The following IPO7 variants were observed in gnomAD, a reference collection of about 807,000 sequenced individuals.
IPO7 encodes the protein importin-7.
A neutral mutation model predicts 136.4 loss-of-function variants in IPO7; 13 were observed. That is an observed-to-expected ratio of 0.10 (90% CI 0.06 to 0.15). IPO7 has a LOEUF of 0.15. Ranked by LOEUF, IPO7 falls within the 10% of genes least tolerant of loss-of-function variation. IPO7 has a pLI of 1.00. For synonymous variants in IPO7, 403 were observed against 404.4 expected (o/e 1.00, Z 0.04); for missense variants, 857 against 1,240.6 (o/e 0.69, Z 4.65).
intron 12 of IPO7, among the ~76,000 whole-genome samples, chr11:9,425,598 G>A (rs368355814): frequency 3.3e-5 from 5 of 152,038 alleles, no homozygotes; most frequent in Non-Finnish European, 4.4e-5. Flanking sequence ...AAAATCCGCC[G>A]GGCGTGATGG....
chr11:9,428,933 G>A (rs562416879), intron 13 of IPO7, 98 bp from the exon 14 acceptor site: 3 of 1,074,398 alleles, frequency 2.8e-6, no homozygotes, highest in Admixed American at 1.7e-5. Flanking sequence ...CCACTGGCCA[G>A]CCTCCAAATT....
intron 6 of IPO7, among the ~76,000 whole-genome samples, chr11:9,417,519 A>G (rs1564997830): frequency 1.3e-5 from 2 of 152,078 alleles, no homozygotes. Flanking sequence ...TGATTTACAG[A>G]TTGGCCAACT....
At chr11:9,426,397 A>G (rs1028242051) in intron 12 of IPO7, among the ~76,000 whole-genome samples, 7 of 152,198 alleles carry the variant, frequency 4.6e-5, no homozygotes, top group Non-Finnish European at 7.3e-5. Context: ...ATATTAATAT[A>G]CCACATTTTA....
intron 1 of IPO7, among the ~76,000 whole-genome samples, chr11:9,394,711 T>C (rs11042329): frequency 0.25 from 37,361 of 152,096 alleles, 5,412 homozygotes; most frequent in East Asian, 0.69. Context: ...ATTTTACTTA[T>C]TAGCCCAATT....
chr11:9,401,767 A>G (rs1420034937), intron 1 of IPO7, among the ~76,000 whole-genome samples: 1 of 152,186 alleles, frequency 6.6e-6, no homozygotes, highest in Non-Finnish European at 1.5e-5. Context: ...GTTCAAAGCT[A>G]TTGATTTTTA....
At chr11:9,417,862 G>T (rs1231984429) in intron 6 of IPO7, among the ~76,000 whole-genome samples, 1 of 150,822 alleles carries the variant, frequency 6.6e-6, no homozygotes, top group African/African-American at 2.4e-5. Context: ...ACAGACGTGT[G>T]CTACCAAGCC....
Position 9,406,104 on chromosome 11 carries a change from C to CA in IPO7, c.167-2382_167-2381insA, listed in dbSNP as rs749091662. Among the ~76,000 whole-genome samples the CA allele has an allele frequency of 1.5e-4, 9 of 61,816 alleles. No homozygotes were observed. In the Admixed American group the frequency reaches 1.8e-3, roughly 13 times the overall value. The allele number at this position is 61,816 out of a possible 152,430, so 40.6% of individuals were successfully genotyped here. ...ATCTCACTATGTTGCTGAGGCTGGT[C>CA]TTTTTTTTTTTTTTTTTTTTTTTTT... On this transcript the variant is annotated intron_variant, in intron 2 of 24. Transcript: ENST00000379719.
At chr11:9,423,920 T>A in intron 10 of IPO7, 44 bp downstream of exon 10, 1 of 1,190,540 alleles carries the variant, frequency 8.4e-7, no homozygotes, top group African/African-American at 1.5e-5. Context: ...TGTCAGTAAT[T>A]AAGATTACAG....
intron 12 of IPO7, among the ~76,000 whole-genome samples, chr11:9,426,834 T>C (rs1437751264): frequency 1.3e-5 from 2 of 152,200 alleles, no homozygotes; most frequent in African/African-American, 4.8e-5. Context: ...CTTGGCTCGC[T>C]GCAGCCACCA....
chr11:9,386,575 A>G (rs1854554856), intron 1 of IPO7, among the ~76,000 whole-genome samples: 1 of 152,176 alleles, frequency 6.6e-6, no homozygotes. Flanking sequence ...TTAATTTTAA[A>G]AGTGAGTACT....
intron 6 of IPO7, among the ~76,000 whole-genome samples, chr11:9,417,540 T>C (rs550591068): frequency 1.2e-4 from 19 of 152,264 alleles, no homozygotes; most frequent in East Asian, 7.7e-4. Context: ...TTTGTAGTTA[T>C]GTTATTTTTT....
chr11:9,417,071 C>T lies in IPO7; in HGVS notation c.649C>T (p.Leu217=), dbSNP rs1217012091. 4.6e-6 allele frequency: 7 copies of T among 1,516,616 alleles called. No homozygotes were observed. Among genetic ancestry groups the T allele is most frequent in the Non-Finnish European group, 5.5e-6 (6 of 1,093,788 alleles). The allele number at this position is 1,516,616 out of a possible 1,614,324, so 93.9% of individuals were successfully genotyped here. ...GACTTTTATTTAGTATACACTACCACTGGAACTGATAAACCAACAGAACCT... is the reference window on the plus strand; with the variant it reads ...GACTTTTATTTAGTATACACTACCATTGGAACTGATAAACCAACAGAACCT... ...FYALVQYTLP[L]ELINQQNLTE... The change falls in exon 6 of 25, where the codon CTG becomes TTG. Residue 217 remains leucine (L), a synonymous_variant. Transcript: ENST00000379719.
Position 9,437,871 on chromosome 11 carries a change from C to A in IPO7, c.2386C>A (p.Leu796Ile), listed in dbSNP as rs1169499469. Residue 796 changes from leucine (L) to isoleucine (I), a missense_variant, in exon 21 of 25, where the codon CTA becomes ATA. Leu to Ile is a conservative substitution (Grantham distance 5). Coordinates refer to ENST00000379719, the MANE Select transcript of IPO7 (RefSeq NM_006391.3). ...AIAALYYNPH[L>I]LLNTLENLRF... is the part of the protein sequence containing the mutation. ...TGCAGCTTTGTATTATAATCCACACCTACTACTCAATACCTTAGAAAATCT... is the reference window on the plus strand; with the variant it reads ...TGCAGCTTTGTATTATAATCCACACATACTACTCAATACCTTAGAAAATCT... 6.2e-7 allele frequency: 1 copy of A among 1,613,396 alleles called. No homozygotes were observed. Among genetic ancestry groups the A allele is most frequent in the Non-Finnish European group, 8.5e-7 (1 of 1,179,544 alleles).
In IPO7 at chr11:9,432,989, GT is replaced by G. The variant is rs397953468; in HGVS notation, c.1882-565del. On this transcript the variant is annotated intron_variant, in intron 16 of 24. Transcript: ENST00000379719. ...TAACAGATGGGCTATCTTCCAAATG[GT>G]TTTTTTTTTTTTTTTGAGATGGAGT... The G allele has an allele frequency of 9.7e-4, 120 of 123,200 alleles. 1 individual carries two copies. The highest frequency in any genetic ancestry group is 1.4e-3 in the African/African-American group (47 of 34,340). The allele number at this position is 123,200 out of a possible 1,614,324, so 7.6% of individuals were successfully genotyped here.
Position 9,445,450 on chromosome 11 carries a change from C to A in IPO7, c.*256C>A, listed in dbSNP as rs1855515654. 3.1e-6 allele frequency: 1 copy of A among 327,860 alleles called. No individual in the cohort carries two copies. Among genetic ancestry groups the A allele is most frequent in the Admixed American group, 4.3e-5 (1 of 23,358 alleles). The allele number at this position is 327,860 out of a possible 1,614,324, so 20.3% of individuals were successfully genotyped here. A position where few individuals can be genotyped will look rare whatever the true frequency, so the allele number is the denominator to read the frequency against. On this transcript the variant is annotated 3_prime_UTR_variant, in exon 25 of 25. Coordinates refer to ENST00000379719, the MANE Select transcript of IPO7 (RefSeq NM_006391.3). ...CTTTATTTTTTGAAGAAAGTAAGAT[C>A]CTGACTCTGAAGCTTCAAAGTGACA...
At chr11:9,395,040 A>C (rs1285483008) in intron 1 of IPO7, among the ~76,000 whole-genome samples, 2 of 152,114 alleles carry the variant, frequency 1.3e-5, no homozygotes, top group African/African-American at 4.8e-5. Flanking sequence ...GAAGGGGACT[A>C]CTGGGCATAT....
chr11:9,384,797 G>A lies in IPO7; in HGVS notation c.34G>A (p.Gly12Ser), dbSNP rs1463342103. The A allele has an allele frequency of 6.2e-7, 1 of 1,607,944 alleles. No individual in the cohort carries two copies. Among genetic ancestry groups the A allele is most frequent in the South Asian group, 1.1e-5 (1 of 89,830 alleles). The change falls in exon 1 of 25, where the codon GGC (glycine) becomes AGC (serine). Residue 12 changes from glycine to serine, a missense_variant. Around this residue, in one of 11 missense-constraint regions of IPO7, gnomAD observed 49 missense variants for 59.9 expected, o/e 0.82. Coordinates refer to ENST00000379719, the MANE Select transcript of IPO7 (RefSeq NM_006391.3). ...DPNTIIEALR[G>S]TMDPALREAA... The stretch of plus-strand genomic sequence containing the variant: ...CAACACCATTATCGAGGCCCTGCGG[G>A]GCACTATGGACCCAGCCCTGCGTGA...
intron 8 of IPO7, among the ~76,000 whole-genome samples, chr11:9,422,081 A>C (rs2133749460): frequency 6.6e-6 from 1 of 152,308 alleles, no homozygotes; most frequent in East Asian, 1.9e-4. Context: ...GGAGTTCGAG[A>C]CCAGCCTGAC....
At chr11:9,429,286 G>T in intron 14 of IPO7, 90 bp downstream of exon 14, 1 of 1,120,962 alleles carries the variant, frequency 8.9e-7, no homozygotes, top group Non-Finnish European at 1.3e-6. Flanking sequence ...AGGCTTAGGT[G>T]GGAAGAGCGC....
Sources: allele counts gnomAD v4.1 joint callset (sites outside exome capture counted in the v4.1 genomes callset), GRCh38; gene constraint gnomAD v4.1.1; regional missense constraint gnomAD v4.1.1; transcripts MANE v1.5; gene names NCBI Gene and HGNC (gene_info 2026-07-23, HGNC 2026-07-21).